Variants in ITPR1 observed in about 807,000 individuals in gnomAD.
ITPR1 encodes the protein inositol 1,4,5-trisphosphate receptor type 1, also known as inositol 1,4,5-trisphosphate-gated calcium channel ITPR1.
A neutral mutation model predicts 318.4 loss-of-function variants in ITPR1; 96 were observed. That is an observed-to-expected ratio of 0.30 (90% confidence interval 0.26 to 0.36). The LOEUF is 0.36. Among genes scored for constraint, ITPR1 ranks in the 10% least tolerant of loss-of-function variants. The pLI, the probability that ITPR1 is intolerant of heterozygous loss-of-function variation, is 1.00. For missense variants in ITPR1, 2,440 were observed against 3,460.2 expected, an observed-to-expected ratio of 0.71 and a Z score of 7.40; for synonymous variants, 1,312 against 1,289.9, an observed-to-expected ratio of 1.02 and a Z score of -0.37.
chr3:4,535,912 A>G (rs2083831758), intron 4 of ITPR1, among the ~76,000 whole-genome samples: 1 of 152,178 alleles, frequency 6.6e-6, no homozygotes, highest in South Asian at 2.1e-4. Context: ...AATAATCTGT[A>G]TGAAGATTAT....
chr3:4,784,054 G>C, intron 51 of ITPR1, 134 bp downstream of exon 51: 3 of 630,020 alleles, frequency 4.8e-6, no homozygotes, highest in Non-Finnish European at 8.2e-6. Context: ...TAGGTCCTGG[G>C]CTGGGTGCTG....
At chr3:4,516,035 G>A (rs2082148171) in intron 2 of ITPR1, among the ~76,000 whole-genome samples, 1 of 152,212 alleles carries the variant, frequency 6.6e-6, no homozygotes, top group Non-Finnish European at 1.5e-5. Context: ...GCCAGAAGCA[G>A]GTTTTTATAC....
rs1867000 is a variant in ITPR1, at chr3:4,826,516, T to C, written c.8028+8274T>C. Among the ~76,000 whole-genome samples the C allele has an allele frequency of 0.48, 73,688 of 151,972 alleles. 18,076 individuals are homozygous for C. Among genetic ancestry groups the C allele is most frequent in the African/African-American group, 0.55 (22,763 of 41,436 alleles). Reference sequence around the variant, plus strand: ...CTGGCTTCCCGGTGGCTGGAAACAGTGTGTCAGCGTCACTGGACTCGCCGC... The same window carrying C: ...CTGGCTTCCCGGTGGCTGGAAACAGCGTGTCAGCGTCACTGGACTCGCCGC... On this transcript the variant is annotated intron_variant, in intron 60 of 61. Coordinates refer to ENST00000649015, the MANE Select transcript of ITPR1 (RefSeq NM_001378452.1). This position sits in a 1 kb window ranked among gnomAD's most constrained non-coding sequence, Gnocchi z 4.2.
At chr3:4,716,805 A>G (rs921297335) in intron 39 of ITPR1, among the ~76,000 whole-genome samples, 2 of 152,150 alleles carry the variant, frequency 1.3e-5, no homozygotes, top group Non-Finnish European at 2.9e-5. Context: ...ATATCACTTG[A>G]GTTGGCACTA....
At chr3:4,510,330 A>G (rs1435372172) in intron 2 of ITPR1, among the ~76,000 whole-genome samples, 2 of 152,164 alleles carry the variant, frequency 1.3e-5, no homozygotes, top group Non-Finnish European at 2.9e-5. Context: ...TAAGCAGGGA[A>G]ATGATATGGT....
intron 46 of ITPR1, 92 bp from the exon 47 acceptor site, chr3:4,775,150 A>C (rs562938373): frequency 4.3e-6 from 4 of 921,782 alleles, no homozygotes; most frequent in Non-Finnish European, 7.2e-6. Context: ...ATAATTACCA[A>C]CCTATTAGAG....
At chr3:4,584,541 T>C (rs2089678780) in intron 4 of ITPR1, among the ~76,000 whole-genome samples, 1 of 140,084 alleles carries the variant, frequency 7.1e-6, no homozygotes, top group African/African-American at 2.7e-5. Context: ...CTTCTCTCTT[T>C]GCCCAGAGAG....
At chr3:4,807,232 A>AC (rs760983673) in intron 55 of ITPR1, among the ~76,000 whole-genome samples, 3 of 145,008 alleles carry the variant, frequency 2.1e-5, no homozygotes, top group South Asian at 2.2e-4. Context: ...TGCTTAGAAA[A>AC]CCCCCCCGAA....
chr3:4,705,002 T>G (rs1052637938), intron 36 of ITPR1, among the ~76,000 whole-genome samples: 4 of 152,196 alleles, frequency 2.6e-5, no homozygotes, highest in Non-Finnish European at 5.9e-5. Context: ...GTTGGCTGGC[T>G]TATAGTTTTT....
chr3:4,506,003 A>G (rs750114294), intron 2 of ITPR1, among the ~76,000 whole-genome samples: 2 of 152,254 alleles, frequency 1.3e-5, no homozygotes, highest in Non-Finnish European at 2.9e-5. Context: ...AAGTAGAATT[A>G]TAACAGCCAA....
At chr3:4,579,019 C>A (rs1447489002) in intron 4 of ITPR1, among the ~76,000 whole-genome samples, 1 of 152,132 alleles carries the variant, frequency 6.6e-6, no homozygotes, top group African/African-American at 2.4e-5. Context: ...GATTTTGCTT[C>A]CAGGCGAGGC....
In ITPR1 at chr3:4,725,465, T is replaced by G. The variant is rs886124557; in HGVS notation, c.5137-81T>G. 8.6e-6 allele frequency: 10 copies of G among 1,163,874 alleles called. No homozygotes were observed. The African/African-American group carries it at 1.5e-4, about 18-fold the overall frequency. 72.1% of individuals were successfully genotyped at this position (1,163,874 alleles called of 1,614,324 possible). On this transcript the variant is annotated intron_variant, in intron 40 of 61. Coordinates refer to ENST00000649015, the MANE Select transcript of ITPR1 (RefSeq NM_001378452.1). ...GATCCTTCCTCCTGTGTTTTGTCCT[T>G]GAGTGTTGGTCTCTGGACTTCTCTG... is the stretch of plus-strand genomic sequence containing the variant.
chr3:4,643,601 G>T (rs867720914), intron 7 of ITPR1, among the ~76,000 whole-genome samples: 3 of 150,596 alleles, frequency 2.0e-5, no homozygotes, highest in Non-Finnish European at 3.0e-5. Flanking sequence ...GTTTTTTTGG[G>T]GGGGGGGTAA....
chr3:4,679,138 A>G (rs1338442522), intron 24 of ITPR1, among the ~76,000 whole-genome samples: 1 of 152,168 alleles, frequency 6.6e-6, no homozygotes, highest in African/African-American at 2.4e-5. Flanking sequence ...TTAGTCTCTG[A>G]TTAGATGTGT....
intron 44 of ITPR1, among the ~76,000 whole-genome samples, chr3:4,758,736 G>A (rs2045211811): frequency 6.6e-6 from 1 of 152,204 alleles, no homozygotes. Flanking sequence ...GGCAGAGCGT[G>A]CCTGGAGAAC....
intron 25 of ITPR1, among the ~76,000 whole-genome samples, chr3:4,681,034 C>A (rs1364249570): frequency 2.0e-5 from 3 of 152,118 alleles, no homozygotes; most frequent in Admixed American, 1.3e-4. Flanking sequence ...AGCTTTTACT[C>A]ACTTTGGAAG....
At chr3:4,655,144 G>A (rs541720395) in intron 12 of ITPR1, among the ~76,000 whole-genome samples, 44 of 152,284 alleles carry the variant, frequency 2.9e-4, no homozygotes, top group Non-Finnish European at 4.1e-4. Context: ...TGGGAGGGAC[G>A]TCATGTTTCA....
chr3:4,660,915 A>G (rs1575965602), intron 13 of ITPR1, 73 bp from the exon 14 acceptor site: 9 of 699,744 alleles, frequency 1.3e-5, no homozygotes, highest in South Asian at 1.0e-4. Context: ...TTGATAGATT[A>G]TATTCTAGAC....
At chr3:4,715,257 C>G (rs2125289167) in intron 39 of ITPR1, among the ~76,000 whole-genome samples, 1 of 152,318 alleles carries the variant, frequency 6.6e-6, no homozygotes. Flanking sequence ...TTGAGGTCCA[C>G]CTACAGGTTG....
Sources: gnomAD v4.1 joint callset for allele counts (sites outside exome capture counted in the v4.1 genomes callset) on GRCh38, gnomAD v4.1.1 for gene constraint, Gnocchi (gnomAD v3.1) non-coding constraint, MANE v1.5 for transcripts, NCBI Gene and HGNC (gene_info 2026-07-23, HGNC 2026-07-21) for gene names.